Variants in MCMDC2 observed in about 807,000 individuals in gnomAD.
MCMDC2 encodes minichromosome maintenance domain containing 2.
Under a neutral mutation model 75.8 loss-of-function variants are expected in MCMDC2, and 54 were observed. That is an observed-to-expected ratio of 0.71 (90% CI 0.57 to 0.89). MCMDC2 has a LOEUF of 0.89. Ranked by LOEUF, MCMDC2 falls within the 40% of genes least tolerant of loss-of-function variation. The probability of loss-of-function intolerance (pLI) is 0.00; values close to 1 mark genes in which losing one functional copy is unlikely to be tolerated. For missense variants in MCMDC2, 656 were observed against 780.4 expected, an observed-to-expected ratio of 0.84 and a Z score of 1.90; for synonymous variants, 249 against 274.6, an observed-to-expected ratio of 0.91 and a Z score of 0.92.
At chr8:66,871,978 C>A (rs1811044639) in intron 1 of MCMDC2, among the ~76,000 whole-genome samples, 1 of 152,048 alleles carries the variant, frequency 6.6e-6, no homozygotes, top group Admixed American at 6.6e-5. Flanking sequence ...ATATAATCTT[C>A]AAAAGCGTAC....
intron 4 of MCMDC2, 45 bp downstream of exon 4, chr8:66,874,631 T>G (rs1811189432): frequency 1.4e-6 from 2 of 1,478,154 alleles, no homozygotes; most frequent in Admixed American, 2.2e-5. Flanking sequence ...CAGATTTACA[T>G]GATGACTTGT....
intron 14 of MCMDC2, among the ~76,000 whole-genome samples, chr8:66,913,974 A>AG (rs1482443255): frequency 6.6e-6 from 1 of 150,584 alleles, no homozygotes; most frequent in Non-Finnish European, 1.5e-5. Context: ...AAAAAAAAAA[A>AG]AAAAAAAAAA....
downstream of MCMDC2, among the ~76,000 whole-genome samples, chr8:66,923,386 G>T (rs1432606246): frequency 1.3e-5 from 2 of 152,078 alleles, no homozygotes; most frequent in African/African-American, 4.8e-5. Context: ...GCAGCAATAC[G>T]AAATGATTTA....
chr8:66,902,679 C>T (rs1372169723), intron 13 of MCMDC2, among the ~76,000 whole-genome samples: 2 of 78,022 alleles, frequency 2.6e-5, no homozygotes, highest in Non-Finnish European at 4.5e-5. Context: ...GGCGACAGAG[C>T]AAGATTCTGT....
intron 14 of MCMDC2, among the ~76,000 whole-genome samples, 175 bp from the exon 15 acceptor site, chr8:66,918,828 A>ATACTC (rs1313769193): frequency 5.3e-5 from 8 of 152,192 alleles, no homozygotes; most frequent in African/African-American, 1.7e-4. Context: ...GATTATTGAA[A>ATACTC]TACTCTACTG....
chr8:66,879,444 T>C (rs1811456531), intron 7 of MCMDC2, among the ~76,000 whole-genome samples: 1 of 151,740 alleles, frequency 6.6e-6, no homozygotes, highest in Non-Finnish European at 1.5e-5. Flanking sequence ...AATACAAAAA[T>C]TAGCCAGGTG....
chr8:66,902,380 AC>A (rs1231683250), intron 13 of MCMDC2, among the ~76,000 whole-genome samples: 1 of 148,956 alleles, frequency 6.7e-6, no homozygotes, highest in Non-Finnish European at 1.5e-5. Flanking sequence ...ACAGAGTGAA[AC>A]CCCCTTCTCA....
At chr8:66,891,190 T>C in intron 10 of MCMDC2, 120 bp downstream of exon 10, 1 of 882,474 alleles carries the variant, frequency 1.1e-6, no homozygotes, top group East Asian at 3.0e-5. Flanking sequence ...TTATGTTAGA[T>C]GGCATTTCTT....
At chr8:66,889,389 G>C (rs1460388266) in intron 9 of MCMDC2, among the ~76,000 whole-genome samples, 3 of 152,146 alleles carry the variant, frequency 2.0e-5, no homozygotes, top group Admixed American at 6.5e-5. Flanking sequence ...CAGCTACTTG[G>C]GAGACTGAGC....
intron 4 of MCMDC2, among the ~76,000 whole-genome samples, chr8:66,876,197 A>C (rs1811275947): frequency 6.6e-6 from 1 of 152,152 alleles, no homozygotes; most frequent in Admixed American, 6.6e-5. Context: ...GCAAAACTGT[A>C]ATTTTTCTAA....
rs749931647 is a variant in MCMDC2 at position 66,877,486 on chromosome 8, C to T, written c.423C>T (p.Thr141=). The T allele has an allele frequency of 1.2e-6, 2 of 1,611,102 alleles. No homozygotes were observed. The highest frequency in any genetic ancestry group is 1.7e-6 in the Non-Finnish European group (2 of 1,179,202). Residue 141 remains threonine (T), a synonymous_variant, in exon 5 of 15, where the codon ACC becomes ACT. Coordinates refer to ENST00000422365, the MANE Select transcript of MCMDC2 (RefSeq NM_173518.5). ...QGIVIAMTTI[T]KYTQGARFLC... ...TTGTGATTGCAATGACAACTATAAC[C>T]AAGTATACACAAGGGGCAAGATTTC...
chr8:66,881,421 G>A (rs945320041), intron 8 of MCMDC2, among the ~76,000 whole-genome samples: 4 of 152,250 alleles, frequency 2.6e-5, no homozygotes, highest in South Asian at 4.1e-4. Context: ...GGGCGCTGTG[G>A]CTCACGCCTG....
At chr8:66,890,318 G>A (rs550408692) in intron 9 of MCMDC2, among the ~76,000 whole-genome samples, 2 of 151,872 alleles carry the variant, frequency 1.3e-5, no homozygotes, top group East Asian at 3.9e-4. Flanking sequence ...TGCCTGCCTC[G>A]GCCTCCCAAA....
chr8:66,903,845 G>A (rs60510332), intron 13 of MCMDC2, among the ~76,000 whole-genome samples: 1,848 of 152,194 alleles, frequency 0.012, 40 homozygotes, highest in African/African-American at 0.043. Context: ...TCAGAGACAT[G>A]ATAATTACAT....
chr8:66,879,520 G>A (rs779631125), intron 7 of MCMDC2, among the ~76,000 whole-genome samples: 4 of 152,102 alleles, frequency 2.6e-5, no homozygotes, highest in Non-Finnish European at 4.4e-5. Context: ...TTGAACCCGG[G>A]AGGCAGAGGC....
intron 12 of MCMDC2, among the ~76,000 whole-genome samples, chr8:66,899,170 AT>A (rs1430634533): frequency 1.3e-5 from 2 of 152,214 alleles, no homozygotes; most frequent in African/African-American, 4.8e-5. Context: ...GCCAATGTGT[AT>A]TTGAGAGGGC....
At chr8:66,915,542 ATATATG>A (rs1232481423) in intron 14 of MCMDC2, among the ~76,000 whole-genome samples, 1 of 147,962 alleles carries the variant, frequency 6.8e-6, no homozygotes, top group Non-Finnish European at 1.5e-5. Flanking sequence ...ATATATTTAT[ATATATG>A]TATATATGTA....
intron 14 of MCMDC2, among the ~76,000 whole-genome samples, chr8:66,914,825 G>A (rs1240202290): frequency 3.9e-5 from 6 of 152,086 alleles, no homozygotes; most frequent in Non-Finnish European, 7.4e-5. Context: ...TAGTGAATTA[G>A]AGATACACGT....
intron 14 of MCMDC2, among the ~76,000 whole-genome samples, chr8:66,912,384 G>A (rs1813152354): frequency 6.6e-6 from 1 of 152,230 alleles, no homozygotes; most frequent in Admixed American, 6.5e-5. Flanking sequence ...TATTCCTGGG[G>A]AAGATTCTGT....
Sources: allele counts gnomAD v4.1 joint callset (sites outside exome capture counted in the v4.1 genomes callset), GRCh38; gene constraint gnomAD v4.1.1; transcripts MANE v1.5; gene names NCBI Gene and HGNC (gene_info 2026-07-23, HGNC 2026-07-21).